DOCK7: variants seen among roughly 807,000 people sequenced by gnomAD.
The protein encoded by DOCK7 is dedicator of cytokinesis 7, also known as dedicator of cytokinesis protein 7.
DOCK7 carries 138 observed loss-of-function variants against 271.0 expected under a neutral mutation model. The observed-to-expected ratio is 0.51, with a 90% CI of 0.44 to 0.59. The LOEUF (loss-of-function observed/expected upper bound fraction) is 0.59. Among genes scored for constraint, DOCK7 ranks in the 20% least tolerant of loss-of-function variants. The pLI, the probability that DOCK7 is intolerant of heterozygous loss-of-function variation, is 0.00. For missense variants in DOCK7, 2,066 were observed against 2,592.4 expected (o/e 0.80, Z 4.41); for synonymous variants, 823 against 876.1 (o/e 0.94, Z 1.07).
At chr1:62,554,469 C>T (rs1269224715) in intron 21 of DOCK7, among the ~76,000 whole-genome samples, 16 of 44,972 alleles carry the variant, frequency 3.6e-4, no homozygotes, top group African/African-American at 1.2e-3. Context: ...GAGACTCCAT[C>T]TCAAAAAAAA....
intron 35 of DOCK7, 114 bp downstream of exon 35, chr1:62,507,848 T>C: frequency 2.2e-6 from 2 of 920,218 alleles, no homozygotes; most frequent in East Asian, 5.7e-5. Flanking sequence ...ACGAAACTTT[T>C]AGGAACTACC....
chr1:62,648,057 A>G (rs1461579144), intron 6 of DOCK7, 49 bp downstream of exon 6: 1 of 1,550,670 alleles, frequency 6.4e-7, no homozygotes, highest in Non-Finnish European at 8.9e-7. Context: ...ATAATCCCAA[A>G]AGATCAATTT....
intron 7 of DOCK7, chr1:62,641,640 G>T: frequency 2.2e-6 from 1 of 458,590 alleles, no homozygotes. Context: ...TTCCAGCCCA[G>T]CAGTACCTGC....
At position 62,688,308 on chromosome 1, in the gene DOCK7, C is replaced by G; in HGVS notation, c.-44G>C. 1 of 1,192,452 alleles carries G rather than the reference C, an allele frequency of 8.4e-7. No homozygotes were observed. The highest frequency in any genetic ancestry group is 1.0e-6 in the Non-Finnish European group (1 of 957,980). The allele number at this position is 1,192,452 out of a possible 1,614,324, so 73.9% of individuals were successfully genotyped here. ...GACGGCGGCGGCGGCTGCGGCGGGC[C>G]GGGTGCGGACCGGCGGGCGCGTGCC... On this transcript the variant is annotated 5_prime_UTR_variant, in exon 1 of 50. Coordinates refer to ENST00000635253, the MANE Select transcript of DOCK7 (RefSeq NM_001367561.1).
chr1:62,593,182 CT>C (rs1407979948), intron 14 of DOCK7, among the ~76,000 whole-genome samples: 3 of 152,146 alleles, frequency 2.0e-5, no homozygotes, highest in African/African-American at 7.2e-5. Flanking sequence ...TTCAAAGGGT[CT>C]GGTATGATAG....
At chr1:62,527,873 A>AT (rs1455892390) in intron 31 of DOCK7, among the ~76,000 whole-genome samples, 39 of 28,906 alleles carry the variant, frequency 1.3e-3, no homozygotes, top group African/African-American at 3.5e-3. Context: ...AACTTAAAGT[A>AT]TAAAAAAAAA....
intron 11 of DOCK7, among the ~76,000 whole-genome samples, chr1:62,627,376 A>C (rs1654078131): frequency 6.6e-6 from 1 of 152,202 alleles, no homozygotes; most frequent in East Asian, 1.9e-4. Flanking sequence ...AAGAGGTTCT[A>C]ATAAAGACAG....
intron 3 of DOCK7, 82 bp downstream of exon 3, chr1:62,653,902 A>G: frequency 6.6e-7 from 1 of 1,524,442 alleles, no homozygotes; most frequent in Non-Finnish European, 9.0e-7. Flanking sequence ...TGATGCTATA[A>G]GAAGTAGGCT....
chr1:62,507,216 T>G (rs1471556235), intron 35 of DOCK7, among the ~76,000 whole-genome samples: 1 of 152,118 alleles, frequency 6.6e-6, no homozygotes, highest in East Asian at 1.9e-4. Flanking sequence ...CGTGGAAATA[T>G]GAACCTGGCA....
At position 62,455,003 on chromosome 1, in the gene DOCK7, C is replaced by A. The variant is rs576665826; in HGVS notation, c.*411G>T. On this transcript the variant is annotated 3_prime_UTR_variant, in exon 50 of 50. Coordinates refer to ENST00000635253, the MANE Select transcript of DOCK7 (RefSeq NM_001367561.1). ...ATAATAAAAATTTTGAAGTCCCACT[C>A]GGTAAAATTAGTGTAAACATTCACA... The A allele has an allele frequency of 2.6e-6, 1 of 388,766 alleles. No homozygotes were observed. The allele number at this position is 388,766 out of a possible 1,614,324, so 24.1% of individuals were successfully genotyped here.
chr1:62,573,101 G>C (rs1407643181), intron 18 of DOCK7, among the ~76,000 whole-genome samples: 2 of 152,184 alleles, frequency 1.3e-5, no homozygotes, highest in African/African-American at 4.8e-5. Flanking sequence ...CAGTAGCATG[G>C]AGGAGGGAAA....
intron 48 of DOCK7, among the ~76,000 whole-genome samples, chr1:62,460,742 G>C (rs1239463697): frequency 6.6e-6 from 1 of 151,584 alleles, no homozygotes; most frequent in Non-Finnish European, 1.5e-5. Context: ...CTGCAGCTTT[G>C]ATCTCCTGGG....
chr1:62,455,604 A>T, intron 49 of DOCK7, 148 bp from the exon 50 acceptor site: 1 of 686,222 alleles, frequency 1.5e-6, no homozygotes, highest in Non-Finnish European at 2.6e-6. Flanking sequence ...CATCCTACCT[A>T]CTCTGCCTTA....
intron 13 of DOCK7, 49 bp from the exon 14 acceptor site, chr1:62,618,917 C>G (rs756139862): frequency 6.5e-7 from 1 of 1,531,348 alleles, no homozygotes. Context: ...AAAAAGTCCA[C>G]GTTAAACATG....
chr1:62,516,168 A>G lies in DOCK7; in HGVS notation c.3937-2270T>C, dbSNP rs557915263. On this transcript the variant is annotated intron_variant, in intron 31 of 49. Transcript: ENST00000635253. ...TTTATAATCTTGGGGAAAGGATAGT[A>G]TATCTTAAATAAGACATAAAAAACA... 2.0e-5 allele frequency among the ~76,000 whole-genome samples: 3 copies of G among 152,352 alleles called. No homozygotes were observed. In the South Asian group the frequency reaches 6.2e-4, roughly 32 times the overall value.
intron 1 of DOCK7, among the ~76,000 whole-genome samples, chr1:62,684,816 A>G (rs1661551737): frequency 1.3e-5 from 2 of 152,224 alleles, no homozygotes; most frequent in Non-Finnish European, 2.9e-5. Context: ...AGTAAACAGT[A>G]TAATTAGTGA....
In DOCK7 at chr1:62,455,399, A is replaced by G; in HGVS notation, c.*15T>C. 6.2e-7 allele frequency: 1 copy of G among 1,613,108 alleles called. No homozygotes were observed. Among genetic ancestry groups the G allele is most frequent in the Non-Finnish European group, 8.5e-7 (1 of 1,179,372 alleles). On this transcript the variant is annotated 3_prime_UTR_variant, in exon 50 of 50. Transcript: ENST00000635253. ...ACATGGCTCTTTGCAGATGAATAAA[A>G]CAAGTGCATTCAGTTTAGAGATCCA...
At chr1:62,663,613 C>T (rs942598009) in intron 1 of DOCK7, among the ~76,000 whole-genome samples, 7 of 152,096 alleles carry the variant, frequency 4.6e-5, no homozygotes, top group African/African-American at 1.4e-4. Flanking sequence ...CCATCTTGGT[C>T]CCCATTAGAG....
intron 33 of DOCK7, among the ~76,000 whole-genome samples, chr1:62,512,361 T>C (rs1340522004): frequency 3.3e-5 from 5 of 152,206 alleles, no homozygotes; most frequent in African/African-American, 1.2e-4. Flanking sequence ...TCTGCATGCA[T>C]GGTTACTATA....
Sources: gnomAD v4.1 joint callset for allele counts (sites outside exome capture counted in the v4.1 genomes callset) on GRCh38, gnomAD v4.1.1 for gene constraint, MANE v1.5 for transcripts, NCBI Gene and HGNC (gene_info 2026-07-23, HGNC 2026-07-21) for gene names.